Variants in ACAP2 observed in about 807,000 individuals in gnomAD.
ACAP2 encodes ArfGAP with coiled-coil, ankyrin repeat and PH domains 2.
Under a neutral mutation model 115.8 loss-of-function variants are expected in ACAP2, and 39 were observed. The ratio of observed to expected loss-of-function variants is 0.34; its 90% CI spans 0.26 to 0.44. The LOEUF (loss-of-function observed/expected upper bound fraction) is 0.44. ACAP2 is among the 20% of genes least tolerant of loss of function. ACAP2 has a pLI of 1.00. For missense variants in ACAP2, 662 were observed against 927.6 expected (o/e 0.71, Z 3.72); for synonymous variants, 289 against 315.8 (o/e 0.92, Z 0.90).
At chr3:195,341,603 G>A (rs975906003) in intron 6 of ACAP2, among the ~76,000 whole-genome samples, 2 of 152,218 alleles carry the variant, frequency 1.3e-5, no homozygotes, top group South Asian at 2.1e-4. Flanking sequence ...GATGACAGGC[G>A]TGAGCCACTG....
intron 10 of ACAP2, among the ~76,000 whole-genome samples, chr3:195,315,910 A>C (rs1729058693): frequency 6.6e-6 from 1 of 152,208 alleles, no homozygotes; most frequent in Non-Finnish European, 1.5e-5. Flanking sequence ...ATAAATCAAA[A>C]TCGACTTCCT....
chr3:195,365,869 C>G lies in ACAP2; in HGVS notation c.285+15140G>C, dbSNP rs1184168148. On this transcript the variant is annotated intron_variant, in intron 4 of 22. Coordinates refer to ENST00000326793, the MANE Select transcript of ACAP2 (RefSeq NM_012287.6). ...TTTTTTTTTTTTTTTGAGACAGTGT[C>G]TTCCTTTGCCGCCTAAGCTGGAGTG... Among the ~76,000 whole-genome samples the G allele has an allele frequency of 3.6e-5, 5 of 138,710 alleles. No individual in the cohort carries two copies. In the Admixed American group the frequency reaches 3.8e-4, roughly 11 times the overall value. 91.0% of individuals were successfully genotyped at this position (138,710 alleles called of 152,430 possible).
chr3:195,318,680 G>A (rs1729247520), intron 10 of ACAP2, among the ~76,000 whole-genome samples: 1 of 152,202 alleles, frequency 6.6e-6, no homozygotes, highest in African/African-American at 2.4e-5. Flanking sequence ...TTTCCCGAAA[G>A]TGTACCATTA....
chr3:195,294,618 T>TAG (rs1727522003), intron 18 of ACAP2, 101 bp downstream of exon 18: 1 of 169,472 alleles, frequency 5.9e-6, no homozygotes, highest in African/African-American at 2.6e-5. Context: ...ATTATATATA[T>TAG]ATATATATAT....
At chr3:195,404,723 C>T (rs1475312768) in intron 1 of ACAP2, among the ~76,000 whole-genome samples, 1 of 148,938 alleles carries the variant, frequency 6.7e-6, no homozygotes, top group Non-Finnish European at 1.5e-5. Flanking sequence ...TACACACACG[C>T]ACATATGTAT....
At chr3:195,304,442 G>T (rs1728287429) in intron 13 of ACAP2, among the ~76,000 whole-genome samples, 1 of 152,132 alleles carries the variant, frequency 6.6e-6, no homozygotes, top group African/African-American at 2.4e-5. Flanking sequence ...CACTGAATAT[G>T]ACACCAATTC....
rs1361778951 is a variant in ACAP2 at position 195,335,892 on chromosome 3, C to CAT, written c.573+1039_573+1040insAT. 7 of 90,124 alleles carry CAT rather than the reference C, an allele frequency of 7.8e-5. No individual in the cohort carries two copies. In the Admixed American group the frequency reaches 9.8e-4, roughly 13 times the overall value. 5.6% of individuals were successfully genotyped at this position (90,124 alleles called of 1,614,324 possible). A position where few individuals can be genotyped will look rare whatever the true frequency, so the allele number is the denominator to read the frequency against. On this transcript the variant is annotated intron_variant, in intron 7 of 22. Coordinates refer to ENST00000326793, the MANE Select transcript of ACAP2 (RefSeq NM_012287.6). ...CATCATGCCCTGCCCACTTCGTTGG[C>CAT]TTTTTTTTTTTTTTTTTTTTTTTTT...
chr3:195,415,497 G>A (rs1214182055), intron 1 of ACAP2, among the ~76,000 whole-genome samples: 5 of 151,780 alleles, frequency 3.3e-5, no homozygotes, highest in African/African-American at 4.8e-5. Flanking sequence ...GGCTGGTCTC[G>A]ATCTCTTGAC....
At chr3:195,328,252 A>T (rs1040381347) in intron 8 of ACAP2, among the ~76,000 whole-genome samples, 4 of 152,214 alleles carry the variant, frequency 2.6e-5, no homozygotes, top group African/African-American at 9.7e-5. Context: ...ATATGGAGAA[A>T]GATAAGCATT....
chr3:195,357,598 C>T (rs1471140899), intron 4 of ACAP2: 1 of 152,200 alleles, frequency 6.6e-6, no homozygotes, highest in African/African-American at 2.4e-5. Flanking sequence ...GTGCTTGTAT[C>T]ACCCCTCTCC....
intron 19 of ACAP2, 152 bp from the exon 20 acceptor site, chr3:195,291,967 A>G (rs1320622615): frequency 6.0e-6 from 4 of 665,196 alleles, no homozygotes; most frequent in Non-Finnish European, 9.5e-6. Context: ...CAAGGCAGAG[A>G]AATTATAAAT....
chr3:195,426,905 A>C (rs1477376422), intron 1 of ACAP2, among the ~76,000 whole-genome samples: 1 of 152,106 alleles, frequency 6.6e-6, no homozygotes, highest in African/African-American at 2.4e-5. Context: ...CAGGGGGTGG[A>C]CTGTGGTAGA....
intron 1 of ACAP2, among the ~76,000 whole-genome samples, chr3:195,394,471 T>G (rs967587830): frequency 1.4e-4 from 21 of 152,334 alleles, no homozygotes; most frequent in African/African-American, 4.6e-4. Flanking sequence ...TCTCCAATCT[T>G]ATTTCACTGT....
At chr3:195,298,381 G>A (rs758134100) in intron 15 of ACAP2, among the ~76,000 whole-genome samples, 4 of 150,502 alleles carry the variant, frequency 2.7e-5, no homozygotes, top group African/African-American at 2.4e-5. Flanking sequence ...TCAACCTCCC[G>A]AGTAACTGGG....
rs201075219 is a variant in ACAP2, at chr3:195,295,365, C to T, written c.1672+343G>A. The stretch of plus-strand genomic sequence containing the variant: ...AAGAAGGGAAAAGGGCAGGAAAAAA[C>T]GTTACTGGGAAAAAATTTAGGAGGA... On this transcript the variant is annotated intron_variant, in intron 17 of 22. Coordinates refer to ENST00000326793, the MANE Select transcript of ACAP2 (RefSeq NM_012287.6). 296 of 1,004,312 alleles carry T rather than the reference C, an allele frequency of 2.9e-4. 1 individual carries two copies. The highest frequency in any genetic ancestry group is 3.7e-4 in the Non-Finnish European group (272 of 742,502). 62.2% of individuals were successfully genotyped at this position (1,004,312 alleles called of 1,614,324 possible).
intron 1 of ACAP2, among the ~76,000 whole-genome samples, chr3:195,438,831 G>A (rs1335294712): frequency 2.6e-5 from 4 of 152,072 alleles, no homozygotes; most frequent in Admixed American, 6.6e-5. Context: ...AGGCTGAGGC[G>A]GGCGGATCAC....
intron 21 of ACAP2, among the ~76,000 whole-genome samples, chr3:195,286,878 G>A (rs1218869160): frequency 6.6e-6 from 1 of 152,238 alleles, no homozygotes; most frequent in Non-Finnish European, 1.5e-5. Context: ...TGCAGAGCTT[G>A]TCTCTCTATA....
chr3:195,288,793 G>A (rs922230913), intron 21 of ACAP2, among the ~76,000 whole-genome samples: 1 of 152,150 alleles, frequency 6.6e-6, no homozygotes, highest in South Asian at 2.1e-4. Flanking sequence ...GGGAGGTGGA[G>A]GTTGCAGGGA....
intron 22 of ACAP2, among the ~76,000 whole-genome samples, chr3:195,280,457 G>A (rs544821760): frequency 9.2e-5 from 14 of 152,124 alleles, no homozygotes; most frequent in African/African-American, 2.2e-4. Flanking sequence ...GGGCAACAGA[G>A]CGAGACTCTG....
Sources: gnomAD v4.1 joint callset for allele counts (sites outside exome capture counted in the v4.1 genomes callset) on GRCh38, gnomAD v4.1.1 for gene constraint, MANE v1.5 for transcripts, NCBI Gene and HGNC (gene_info 2026-07-23, HGNC 2026-07-21) for gene names.